The following KCNIP4 variants were observed in gnomAD, a reference collection of about 807,000 sequenced individuals.
The protein encoded by KCNIP4 is Kv channel-interacting protein 4.
In KCNIP4, 12 loss-of-function variants were observed where a neutral mutation model predicts 34.0. That is an observed-to-expected ratio of 0.35 (90% CI 0.23 to 0.57). The LOEUF (loss-of-function observed/expected upper bound fraction) is 0.57. Ranked by LOEUF, KCNIP4 falls within the 20% of genes least tolerant of loss-of-function variation. The pLI is 0.83. For synonymous variants in KCNIP4, 124 were observed against 102.2 expected (o/e 1.21, Z -1.29); for missense variants, 238 against 311.7 (o/e 0.76, Z 1.78).
intron 1 of KCNIP4, among the ~76,000 whole-genome samples, chr4:21,154,717 G>T (rs2109257365): frequency 6.6e-6 from 1 of 152,260 alleles, no homozygotes; most frequent in African/African-American, 2.4e-5. Context: ...TTTAATCTAT[G>T]GTATGTTAGA....
intron 1 of KCNIP4, among the ~76,000 whole-genome samples, chr4:20,955,032 G>C (rs551177808): frequency 5.3e-5 from 8 of 152,156 alleles, no homozygotes; most frequent in Non-Finnish European, 1.0e-4. Flanking sequence ...GCATGGAGGG[G>C]AGAGAGGCAG....
intron 1 of KCNIP4, among the ~76,000 whole-genome samples, chr4:21,519,075 T>C (rs1735030457): frequency 1.3e-5 from 2 of 152,122 alleles, no homozygotes; most frequent in South Asian, 4.1e-4. Context: ...ATCGACTGAT[T>C]ATTTATGTCT....
intron 1 of KCNIP4, among the ~76,000 whole-genome samples, chr4:21,626,975 T>G (rs762340799): frequency 1.9e-4 from 29 of 152,182 alleles, no homozygotes; most frequent in Non-Finnish European, 4.0e-4. Context: ...GATTTAGATA[T>G]ATAAAGTCCC....
chr4:21,193,969 T>C (rs1755870175), intron 1 of KCNIP4, among the ~76,000 whole-genome samples: 1 of 152,196 alleles, frequency 6.6e-6, no homozygotes, highest in Non-Finnish European at 1.5e-5. Flanking sequence ...TCGTTTAAGC[T>C]TTTCATTGTG....
At position 21,756,969 on chromosome 4, in the gene KCNIP4, C is replaced by T. The variant is rs929375379; in HGVS notation, c.61+191602G>A. Among the ~76,000 whole-genome samples, 6 of 151,284 alleles carry T rather than the reference C, an allele frequency of 4.0e-5. No individual in the cohort carries two copies. The Admixed American group carries it at 4.0e-4, about 10-fold the overall frequency. ...AAAATTAGCCAGGTGTGGTAGCAGG[C>T]ACCTGTAATCACAGCTACTTGGGAG... On this transcript the variant is annotated intron_variant, in intron 1 of 8. Coordinates refer to ENST00000382152, the MANE Select transcript of KCNIP4 (RefSeq NM_025221.6).
intron 1 of KCNIP4, among the ~76,000 whole-genome samples, chr4:21,288,244 C>T (rs1337107712): frequency 1.3e-5 from 2 of 152,160 alleles, no homozygotes; most frequent in Admixed American, 6.5e-5. Flanking sequence ...AACTATCCTT[C>T]CCCCAAGGTT....
intron 1 of KCNIP4, among the ~76,000 whole-genome samples, chr4:21,124,942 A>G (rs1422653580): frequency 2.0e-5 from 3 of 152,018 alleles, no homozygotes; most frequent in Non-Finnish European, 4.4e-5. Flanking sequence ...ATGGGCAAAT[A>G]AGAAGCAAAG....
intron 1 of KCNIP4, among the ~76,000 whole-genome samples, chr4:21,207,028 G>C (rs775620519): frequency 3.3e-5 from 5 of 152,184 alleles, no homozygotes; most frequent in Non-Finnish European, 7.3e-5. Flanking sequence ...CCATTGCAGT[G>C]ATGCCATCTC....
chr4:21,000,288 T>C (rs963653780), intron 1 of KCNIP4, among the ~76,000 whole-genome samples: 3 of 152,094 alleles, frequency 2.0e-5, no homozygotes, highest in African/African-American at 4.8e-5. Flanking sequence ...TGCCCTTGTC[T>C]CCCCATATTC....
At chr4:21,457,477 C>A (rs1006555527) in intron 1 of KCNIP4, among the ~76,000 whole-genome samples, 2 of 152,016 alleles carry the variant, frequency 1.3e-5, no homozygotes, top group African/African-American at 4.8e-5. Flanking sequence ...TCTCTCAATT[C>A]CTCATCTTCT....
chr4:21,353,209 G>GA (rs1362865968), intron 1 of KCNIP4, among the ~76,000 whole-genome samples: 5 of 152,264 alleles, frequency 3.3e-5, no homozygotes, highest in African/African-American at 1.2e-4. Flanking sequence ...CAGAAAAGCT[G>GA]AAAACTCTAA....
At chr4:21,782,445 G>A (rs1719630888) in intron 1 of KCNIP4, among the ~76,000 whole-genome samples, 1 of 152,152 alleles carries the variant, frequency 6.6e-6, no homozygotes, top group Non-Finnish European at 1.5e-5. Context: ...TGTAATTCCA[G>A]CACTTTGGGA....
chr4:21,045,664 G>A (rs905639123), intron 1 of KCNIP4, among the ~76,000 whole-genome samples: 2 of 152,044 alleles, frequency 1.3e-5, no homozygotes, highest in African/African-American at 2.4e-5. Flanking sequence ...CTCTTAGCAC[G>A]GCTGATACAA....
intron 1 of KCNIP4, among the ~76,000 whole-genome samples, chr4:21,115,214 T>TA (rs1177935496): frequency 2.6e-5 from 4 of 152,194 alleles, no homozygotes; most frequent in African/African-American, 9.7e-5. Flanking sequence ...CATGTCTCTA[T>TA]AACCATACAC....
intron 1 of KCNIP4, chr4:21,316,256 T>C (rs1481185537): frequency 1.3e-5 from 2 of 152,194 alleles, no homozygotes; most frequent in African/African-American, 2.4e-5. Context: ...GGAAGGGCCA[T>C]ATCTGATTTA....
Position 21,580,998 on chromosome 4 carries a change from T to C in KCNIP4, c.61+367573A>G, listed in dbSNP as rs1741160535. ...AGCTGACACTCAACTTAAGCTAAAC[T>C]TATAAACTGTAGTGCATGTTCAATT... On this transcript the variant is annotated intron_variant, in intron 1 of 8. Coordinates refer to ENST00000382152, the MANE Select transcript of KCNIP4 (RefSeq NM_025221.6). 2.0e-5 allele frequency among the ~76,000 whole-genome samples: 3 copies of C among 152,098 alleles called. No homozygotes were observed. In the South Asian group the frequency reaches 6.2e-4, roughly 31 times the overall value.
intron 3 of KCNIP4, among the ~76,000 whole-genome samples, chr4:20,821,687 GC>G (rs1717126601): frequency 6.6e-6 from 1 of 151,422 alleles, no homozygotes; most frequent in Non-Finnish European, 1.5e-5. Context: ...TTGTGCCTTT[GC>G]CTCCTCATAG....
intron 1 of KCNIP4, among the ~76,000 whole-genome samples, chr4:21,448,642 A>AAAATGCT (rs1728246733): frequency 6.6e-6 from 1 of 152,182 alleles, no homozygotes. Context: ...CAATATACAA[A>AAAATGCT]AAATGCTAAA....
intron 1 of KCNIP4, among the ~76,000 whole-genome samples, chr4:21,538,069 G>A (rs1285493344): frequency 7.4e-6 from 1 of 134,722 alleles, no homozygotes; most frequent in Non-Finnish European, 1.6e-5. Context: ...TGGAGATACA[G>A]ATAATGAAAA....
Sources: allele counts gnomAD v4.1 joint callset (sites outside exome capture counted in the v4.1 genomes callset), GRCh38; gene constraint gnomAD v4.1.1; transcripts MANE v1.5; gene names NCBI Gene and HGNC (gene_info 2026-07-23, HGNC 2026-07-21).